XKR6: variants seen among roughly 807,000 people sequenced by gnomAD.
XKR6 encodes the protein XK-related protein 6.
In XKR6, 22 loss-of-function variants were observed where a neutral mutation model predicts 56.7. The ratio of observed to expected loss-of-function variants is 0.39; its 90% confidence interval spans 0.28 to 0.55. The LOEUF is 0.55. XKR6 is among the 20% of genes least tolerant of loss of function. The probability of loss-of-function intolerance (pLI) is 0.66; values close to 1 mark genes in which losing one functional copy is unlikely to be tolerated. For missense variants in XKR6, 852 were observed against 889.0 expected (o/e 0.96, Z 0.53); for synonymous variants, 524 against 387.8 (o/e 1.35, Z -4.13).
chr8:10,994,476 G>A (rs548446055), intron 1 of XKR6, among the ~76,000 whole-genome samples: 33 of 152,322 alleles, frequency 2.2e-4, no homozygotes, highest in African/African-American at 7.7e-4. Flanking sequence ...TTCTTTGCCA[G>A]AGGAAGGGCA....
chr8:11,181,001 T>C (rs1802945865), intron 1 of XKR6, among the ~76,000 whole-genome samples: 1 of 152,240 alleles, frequency 6.6e-6, no homozygotes. Flanking sequence ...AGAAGTCTTC[T>C]GGACCCACAA....
intron 1 of XKR6, among the ~76,000 whole-genome samples, chr8:11,072,624 G>A (rs986471980): frequency 6.6e-6 from 1 of 152,362 alleles, no homozygotes; most frequent in Middle Eastern, 3.4e-3. Context: ...TGGGACTCTG[G>A]GTAGAGAAGG....
chr8:11,021,787 G>A (rs993398169), intron 1 of XKR6, among the ~76,000 whole-genome samples: 8 of 152,152 alleles, frequency 5.3e-5, no homozygotes, highest in Non-Finnish European at 2.9e-5. Context: ...AGCCTCCTGA[G>A]ATACTAACGT....
At chr8:11,041,548 T>G (rs1799286549) in intron 1 of XKR6, among the ~76,000 whole-genome samples, 1 of 122,228 alleles carries the variant, frequency 8.2e-6, no homozygotes, top group East Asian at 2.0e-4. Flanking sequence ...AGAGCAAGAC[T>G]TTGTCTCAAA....
At chr8:11,134,036 G>A (rs932339099) in intron 1 of XKR6, among the ~76,000 whole-genome samples, 1 of 152,118 alleles carries the variant, frequency 6.6e-6, no homozygotes, top group African/African-American at 2.4e-5. Flanking sequence ...CAGGCCCACA[G>A]CCCTGAGCCC....
intron 1 of XKR6, among the ~76,000 whole-genome samples, chr8:10,988,577 C>T (rs988664418): frequency 6.6e-6 from 1 of 152,138 alleles, no homozygotes; most frequent in African/African-American, 2.4e-5. Flanking sequence ...AAGGTCCACA[C>T]AGAAACGAGA....
At chr8:11,034,478 G>A (rs976352602) in intron 1 of XKR6, among the ~76,000 whole-genome samples, 1 of 152,204 alleles carries the variant, frequency 6.6e-6, no homozygotes, top group African/African-American at 2.4e-5. Context: ...GCACAAGGAT[G>A]GGGGAGCCAG....
Position 11,155,265 on chromosome 8 carries a change from C to A in XKR6, c.764+45311G>T, listed in dbSNP as rs74955503. On this transcript the variant is annotated intron_variant, in intron 1 of 2. Transcript: ENST00000416569. ...TAAATGGCACTATTTAACATTTGGG[C>A]AGATTGGATTCCTTGCCTTATTAGT... 1.2e-4 allele frequency among the ~76,000 whole-genome samples: 19 copies of A among 152,322 alleles called. 1 individual carries two copies. The highest frequency in any genetic ancestry group is 4.3e-4 in the African/African-American group (18 of 41,564).
chr8:11,081,721 GTC>G, intron 1 of XKR6, among the ~76,000 whole-genome samples: 1 of 152,316 alleles, frequency 6.6e-6, no homozygotes, highest in African/African-American at 2.4e-5. Flanking sequence ...AACAAGAATA[GTC>G]TCTGTCAGTT....
chr8:10,972,745 A>G (rs112294431), intron 1 of XKR6, among the ~76,000 whole-genome samples: 10,436 of 152,310 alleles, frequency 0.069, 481 homozygotes, highest in Middle Eastern at 0.12. Flanking sequence ...TGGGTACAGA[A>G]TTTCAATTTT....
chr8:10,969,711 T>C (rs535854449), intron 1 of XKR6, among the ~76,000 whole-genome samples: 1 of 152,262 alleles, frequency 6.6e-6, no homozygotes, highest in East Asian at 1.9e-4. Context: ...ACGTGAAAGA[T>C]GGAAACAGGA....
At position 11,200,794 on chromosome 8, in the gene XKR6, G is replaced by A. The variant is rs768739381; in HGVS notation, c.546C>T (p.Arg182=). Residue 182 remains arginine, a synonymous_variant, in exon 1 of 3, where the codon CGC becomes CGT. Transcript: ENST00000416569. The surrounding 1 kb of genome is among the most constrained non-coding windows in gnomAD (Gnocchi z 6.4). Reference sequence around the variant, plus strand: ...CGCCCGTGTAGTCCTGCACGAACCAGCGGAAGCTCAGGCTCTGCACCAGCA... The same window carrying A: ...CGCCCGTGTAGTCCTGCACGAACCAACGGAAGCTCAGGCTCTGCACCAGCA... The part of the protein sequence containing the change: ...PSLLVQSLSF[R]WFVQDYTGGG... 24 of 1,610,346 alleles carry A rather than the reference G, an allele frequency of 1.5e-5. No homozygotes were observed. The highest frequency in any genetic ancestry group is 2.2e-5 in the East Asian group (1 of 44,578).
intron 2 of XKR6, among the ~76,000 whole-genome samples, chr8:10,900,022 G>C (rs1288073624): frequency 6.6e-6 from 1 of 151,874 alleles, no homozygotes; most frequent in East Asian, 1.9e-4. Flanking sequence ...AACTCCCCGT[G>C]CATCAGTTCC....
chr8:11,098,031 T>A (rs566076365), intron 1 of XKR6, among the ~76,000 whole-genome samples: 1 of 151,880 alleles, frequency 6.6e-6, no homozygotes, highest in Non-Finnish European at 1.5e-5. Context: ...GCAGGGGGGC[T>A]CCCCCAGCAT....
At chr8:11,060,722 T>C (rs1439545179) in intron 1 of XKR6, among the ~76,000 whole-genome samples, 1 of 152,194 alleles carries the variant, frequency 6.6e-6, no homozygotes. Flanking sequence ...AGGCGCCAAA[T>C]GCTGAGTTTG....
intron 1 of XKR6, among the ~76,000 whole-genome samples, chr8:10,932,338 T>C (rs76569388): frequency 0.029 from 4,374 of 152,238 alleles, 231 homozygotes; most frequent in African/African-American, 0.1. Context: ...ATATGACCCA[T>C]AGTTCCCTTT....
intron 2 of XKR6, among the ~76,000 whole-genome samples, chr8:10,909,981 G>C (rs957719899): frequency 6.6e-6 from 1 of 151,616 alleles, no homozygotes; most frequent in Non-Finnish European, 1.5e-5. Flanking sequence ...CACATCTCGG[G>C]GGGCTGGGGG....
At chr8:11,042,732 G>T (rs1021068776) in intron 1 of XKR6, among the ~76,000 whole-genome samples, 1 of 152,218 alleles carries the variant, frequency 6.6e-6, no homozygotes. Flanking sequence ...TGCTCAAAAA[G>T]CTTCAGATTT....
chr8:10,954,613 T>C (rs1475992892), intron 1 of XKR6, among the ~76,000 whole-genome samples: 1 of 152,212 alleles, frequency 6.6e-6, no homozygotes, highest in Admixed American at 6.5e-5. Flanking sequence ...GGTTGTCTTT[T>C]CACTTTCCTG....
Sources: gnomAD v4.1 joint callset for allele counts (sites outside exome capture counted in the v4.1 genomes callset) on GRCh38, gnomAD v4.1.1 for gene constraint, Gnocchi (gnomAD v3.1) non-coding constraint, MANE v1.5 for transcripts, NCBI Gene and HGNC (gene_info 2026-07-23, HGNC 2026-07-21) for gene names.